The following SLC29A3 variants were observed in gnomAD, a reference collection of about 807,000 sequenced individuals.
SLC29A3 encodes the protein equilibrative nucleoside transporter 3.
SLC29A3 carries 18 observed loss-of-function variants against 25.4 expected under a neutral mutation model. The observed-to-expected ratio is 0.71, with a 90% CI of 0.49 to 1.05. The LOEUF (loss-of-function observed/expected upper bound fraction) is 1.05, where lower values mean the gene tolerates loss of function less well. SLC29A3 is among the 50% of genes least tolerant of loss of function. The pLI, the probability that SLC29A3 is intolerant of heterozygous loss-of-function variation, is 0.00. For missense variants in SLC29A3, 586 were observed against 609.0 expected (o/e 0.96, Z 0.40); for synonymous variants, 258 against 267.1 (o/e 0.97, Z 0.33).
At chr10:71,327,535 A>G (rs974720568) in intron 2 of SLC29A3, among the ~76,000 whole-genome samples, 1 of 152,136 alleles carries the variant, frequency 6.6e-6, no homozygotes, top group African/African-American at 2.4e-5. Context: ...GATCTTAGTA[A>G]CCATTTTCTT....
chr10:71,345,823 G>A lies in SLC29A3; in HGVS notation c.383+1532G>A, dbSNP rs535940127. Among the ~76,000 whole-genome samples, 130 of 152,332 alleles carry A rather than the reference G, an allele frequency of 8.5e-4. 1 individual carries two copies. The highest frequency in any genetic ancestry group is 1.5e-3 in the Non-Finnish European group (99 of 68,026). On this transcript the variant is annotated intron_variant, in intron 3 of 5. Transcript: ENST00000373189. ...GGTGTGTTGAGAGCCAGTGCAGGCAGGAGCAGGAGGCGAGGAAGAGGGGAG... is the reference window on the plus strand; with the variant it reads ...GGTGTGTTGAGAGCCAGTGCAGGCAAGAGCAGGAGGCGAGGAAGAGGGGAG...
In SLC29A3 at chr10:71,362,348, A is replaced by T. The variant is rs780141497; in HGVS notation, c.1168A>T (p.Ile390Phe). 3.0e-5 allele frequency: 49 copies of T among 1,613,958 alleles called. No individual in the cohort carries two copies. Among genetic ancestry groups the T allele is most frequent in the Non-Finnish European group, 4.1e-5 (48 of 1,180,034 alleles). ...PGFVLLRTCL[I>F]PLFVLCNYQP... ...GTTCGTGCTCCTCCGGACCTGCCTC[A>T]TCCCCCTCTTCGTGCTCTGTAACTA... The change falls in exon 6 of 6, where the codon ATC (isoleucine) becomes TTC (phenylalanine). Residue 390 changes from isoleucine (I) to phenylalanine (F), a missense_variant. Ile to Phe is a conservative substitution (Grantham distance 21). Coordinates refer to ENST00000373189, the MANE Select transcript of SLC29A3 (RefSeq NM_018344.6).
chr10:71,346,486 C>T (rs1000760418), intron 3 of SLC29A3, among the ~76,000 whole-genome samples: 19 of 152,080 alleles, frequency 1.2e-4, no homozygotes, highest in Non-Finnish European at 1.2e-4. Context: ...ATTGCTTGAG[C>T]CCAGGAGTTT....
Position 71,362,580 on chromosome 10 carries a change from G to C in SLC29A3, c.1400G>C (p.Cys467Ser). 1 of 1,614,150 alleles carries C rather than the reference G, an allele frequency of 6.2e-7. No homozygotes were observed. The highest frequency in any genetic ancestry group is 8.5e-7 in the Non-Finnish European group (1 of 1,180,046). ...TTGGGCTTAACACTGGGCTCAGCCT[G>C]CTCTACCCTCCTGGTGCACCTCATC... ...VCLGLTLGSA[C>S]STLLVHLI The change falls in exon 6 of 6, where the codon TGC (cysteine) becomes TCC (serine). Residue 467 changes from cysteine to serine, a missense_variant. Physicochemically the swap from Cys to Ser is moderately radical, Grantham distance 112 (BLOSUM62 -1). Coordinates refer to ENST00000373189, the MANE Select transcript of SLC29A3 (RefSeq NM_018344.6).
chr10:71,367,186 G>A (rs1000855503), downstream of SLC29A3, among the ~76,000 whole-genome samples: 3 of 127,014 alleles, frequency 2.4e-5, no homozygotes, highest in Non-Finnish European at 3.5e-5. Flanking sequence ...AAGGGGAGGC[G>A]GGGGGCCAGC....
intron 3 of SLC29A3, among the ~76,000 whole-genome samples, chr10:71,345,131 G>A (rs559792749): frequency 6.6e-6 from 1 of 152,346 alleles, no homozygotes; most frequent in African/African-American, 2.4e-5. Context: ...GGCACCACGA[G>A]TGTCTTTTAC....
Position 71,358,110 on chromosome 10 carries a change from A to G in SLC29A3, c.773+1867A>G, listed in dbSNP as rs186688125. 2.2e-4 allele frequency among the ~76,000 whole-genome samples: 34 copies of G among 152,324 alleles called. No individual in the cohort carries two copies. The East Asian group carries it at 6.6e-3, about 29-fold the overall frequency. ...CTGAAGCTTTGGAGAGTTCACAAGC[A>G]TGCCCCAGGTCACTCATCTGGTGAG... On this transcript the variant is annotated intron_variant, in intron 5 of 5. Transcript: ENST00000373189.
At chr10:71,332,212 G>A (rs984280283) in intron 2 of SLC29A3, among the ~76,000 whole-genome samples, 2 of 145,294 alleles carry the variant, frequency 1.4e-5, no homozygotes, top group Non-Finnish European at 3.0e-5. Flanking sequence ...GCAGTAGTGC[G>A]ATCTTGGCTC....
rs868024415 is a variant in SLC29A3 at position 71,362,053 on chromosome 10, T to C, written c.873T>C (p.Ile291=). The change falls in exon 6 of 6, where the codon ATT becomes ATC. Residue 291 remains isoleucine (I), a synonymous_variant. Transcript: ENST00000373189. ...CCCCTTCGGTGGCCTCCAGATTCAT[T>C]GATTCCCACACACCCCCTCTCCGCC... is the stretch of plus-strand genomic sequence containing the variant. ...LSAPSVASRF[I]DSHTPPLRPI... is the part of the protein sequence containing the mutation. 2.5e-6 allele frequency: 4 copies of C among 1,613,952 alleles called. No individual in the cohort carries two copies. In the Middle Eastern group the frequency reaches 4.9e-4, roughly 199 times the overall value.
chr10:71,362,224 C>T lies in SLC29A3; in HGVS notation c.1044C>T (p.Pro348=), dbSNP rs1847079702. The T allele has an allele frequency of 2.5e-6, 4 of 1,614,054 alleles. No homozygotes were observed. The highest frequency in any genetic ancestry group is 3.4e-6 in the Non-Finnish European group (4 of 1,180,036). The change falls in exon 6 of 6, where the codon CCC becomes CCT. Residue 348 remains proline (P), a synonymous_variant. Transcript: ENST00000373189. The part of the protein sequence containing the change: ...GSLWTTKFFI[P]LTTFLLYNFA... ...TGTGGACCACCAAGTTTTTCATCCC[C>T]CTCACTACCTTCCTCCTGTACAACT... is the stretch of plus-strand genomic sequence containing the variant.
chr10:71,322,009 A>C (rs1845855178), intron 1 of SLC29A3, among the ~76,000 whole-genome samples: 1 of 152,214 alleles, frequency 6.6e-6, no homozygotes, highest in South Asian at 2.1e-4. Context: ...TTTTTTAAAC[A>C]ATTATTACTT....
At position 71,338,330 on chromosome 10, in the gene SLC29A3, T is replaced by C. The variant is rs923224022; in HGVS notation, c.301-5879T>C. ...GGCTTTTCTCTTAATCTTTTTCTTT[T>C]CTTTTCTTTTTAAAACTACGAAGAC... On this transcript the variant is annotated intron_variant, in intron 2 of 5. Coordinates refer to ENST00000373189, the MANE Select transcript of SLC29A3 (RefSeq NM_018344.6). 3.3e-5 allele frequency among the ~76,000 whole-genome samples: 5 copies of C among 152,252 alleles called. No individual in the cohort carries two copies. The South Asian group carries it at 1.0e-3, about 32-fold the overall frequency.
At chr10:71,357,712 GCTTT>G (rs572728364) in intron 5 of SLC29A3, among the ~76,000 whole-genome samples, 4 of 152,146 alleles carry the variant, frequency 2.6e-5, no homozygotes, top group Non-Finnish European at 5.9e-5. Flanking sequence ...TCTTACTCTT[GCTTT>G]CTGTCTCCAG....
At chr10:71,336,410 A>G (rs1846254791) in intron 2 of SLC29A3, among the ~76,000 whole-genome samples, 1 of 152,026 alleles carries the variant, frequency 6.6e-6, no homozygotes, top group Non-Finnish European at 1.5e-5. Flanking sequence ...CCTTGGTTAC[A>G]GGTGGGCTGC....
At chr10:71,350,686 C>T (rs982610276) in intron 3 of SLC29A3, among the ~76,000 whole-genome samples, 2 of 152,198 alleles carry the variant, frequency 1.3e-5, no homozygotes, top group African/African-American at 4.8e-5. Context: ...GCATCACCTG[C>T]TCCCCATGAT....
intron 1 of SLC29A3, 31 bp from the exon 2 acceptor site, chr10:71,322,725 C>A: frequency 6.2e-7 from 1 of 1,613,580 alleles, no homozygotes; most frequent in South Asian, 1.1e-5. Flanking sequence ...ACTCACCTAC[C>A]CTGTCTCTGT....
At chr10:71,330,292 C>T (rs1374787857) in intron 2 of SLC29A3, among the ~76,000 whole-genome samples, 1 of 152,338 alleles carries the variant, frequency 6.6e-6, no homozygotes, top group East Asian at 1.9e-4. Flanking sequence ...GCATCCTACA[C>T]CTGGGGTGGC....
chr10:71,319,901 G>A (rs1451187318), intron 1 of SLC29A3, among the ~76,000 whole-genome samples: 1 of 151,826 alleles, frequency 6.6e-6, no homozygotes, highest in Non-Finnish European at 1.5e-5. Context: ...GTGTGGGGCT[G>A]TCTGTCTGTG....
chr10:71,319,317 G>A lies in SLC29A3; in HGVS notation c.1+7G>A. ...GCGTGGCGCAGCGGCGACAGTAAGT[G>A]CGGGCCGGCTCGGGCTCTTCCGGCT... On this transcript the variant is annotated splice_region_variant and intron_variant, in intron 1 of 5. Transcript: ENST00000373189. The A allele has an allele frequency of 1.5e-6, 1 of 649,194 alleles. No individual in the cohort carries two copies. Among genetic ancestry groups the A allele is most frequent in the Non-Finnish European group, 2.8e-6 (1 of 361,318 alleles). The allele number at this position is 649,194 out of a possible 1,614,324, so 40.2% of individuals were successfully genotyped here.
Sources: gnomAD v4.1 joint callset for allele counts (sites outside exome capture counted in the v4.1 genomes callset) on GRCh38, gnomAD v4.1.1 for gene constraint, MANE v1.5 for transcripts, NCBI Gene and HGNC (gene_info 2026-07-23, HGNC 2026-07-21) for gene names.